NAV2: variants seen among roughly 807,000 people sequenced by gnomAD.
NAV2 encodes neuron navigator 2.
NAV2 carries 54 observed loss-of-function variants against 223.2 expected under a neutral mutation model. The observed-to-expected ratio is 0.24, with a 90% CI of 0.19 to 0.30. The LOEUF is 0.30. Among genes scored for constraint, NAV2 ranks in the 10% least tolerant of loss-of-function variants. The pLI is 1.00. For synonymous variants in NAV2, 1,279 were observed against 1,239.3 expected (o/e 1.03, Z -0.67); for missense variants, 2,806 against 3,147.5 (o/e 0.89, Z 2.60).
chr11:19,871,783 G>A (rs1003816584), intron 4 of NAV2, among the ~76,000 whole-genome samples: 5 of 152,212 alleles, frequency 3.3e-5, no homozygotes, highest in East Asian at 1.9e-4. Flanking sequence ...CAGATCAGCC[G>A]GGTCTCTGCT....
At chr11:19,350,726 T>G (rs1369227910) in exon 1 of NAV2, 3 of 558,032 alleles carry the variant, frequency 5.4e-6, no homozygotes, top group Non-Finnish European at 9.7e-6. Context: ...GACTTAGCTC[T>G]CATGATGCCG....
At chr11:19,513,082 C>T (rs2043330435) in intron 1 of NAV2, among the ~76,000 whole-genome samples, 1 of 152,132 alleles carries the variant, frequency 6.6e-6, no homozygotes. Flanking sequence ...TCTGCAGTTG[C>T]ATTTCTAGAC....
intron 1 of NAV2, among the ~76,000 whole-genome samples, chr11:19,646,584 G>C (rs1207191820): frequency 2.0e-5 from 3 of 152,198 alleles, no homozygotes; most frequent in African/African-American, 7.2e-5. Flanking sequence ...GGGTTCAGAA[G>C]AGTTACAGTA....
intron 6 of NAV2, among the ~76,000 whole-genome samples, chr11:19,913,583 C>G (rs1383064927): frequency 6.6e-6 from 1 of 152,112 alleles, no homozygotes; most frequent in African/African-American, 2.4e-5. Flanking sequence ...CTATGTGTGC[C>G]CCTGCCCGGT....
chr11:19,453,768 A>G (rs796779358), intron 1 of NAV2, among the ~76,000 whole-genome samples: 3 of 152,184 alleles, frequency 2.0e-5, no homozygotes, highest in African/African-American at 7.2e-5. Flanking sequence ...TCGCTGATAA[A>G]TCCTTTATCC....
intron 1 of NAV2, among the ~76,000 whole-genome samples, chr11:19,437,780 A>G (rs1008130888): frequency 2.0e-5 from 3 of 152,222 alleles, no homozygotes; most frequent in African/African-American, 7.2e-5. Flanking sequence ...TACCCATTAT[A>G]AAGTTTTCTT....
chr11:19,911,257 A>G (rs1246922117), intron 6 of NAV2, among the ~76,000 whole-genome samples: 2 of 152,160 alleles, frequency 1.3e-5, no homozygotes, highest in Non-Finnish European at 2.9e-5. Context: ...TATGTCTGGA[A>G]GGAGCATCCA....
At chr11:20,100,215 T>G (rs958096625) in intron 31 of NAV2, among the ~76,000 whole-genome samples, 1 of 152,202 alleles carries the variant, frequency 6.6e-6, no homozygotes, top group Non-Finnish European at 1.5e-5. Flanking sequence ...ATACCCCTTT[T>G]GAAGCCAACA....
chr11:19,854,510 A>G (rs1462202239), intron 3 of NAV2, among the ~76,000 whole-genome samples: 1 of 152,222 alleles, frequency 6.6e-6, no homozygotes, highest in East Asian at 1.9e-4. Flanking sequence ...ATTGGCTGTA[A>G]CTGGGTAGGA....
At chr11:19,764,799 A>G (rs151124727) in intron 1 of NAV2, among the ~76,000 whole-genome samples, 2 of 152,272 alleles carry the variant, frequency 1.3e-5, no homozygotes, top group Admixed American at 6.5e-5. Context: ...TGGTTTCTCA[A>G]GTTCATCTCA....
chr11:19,426,538 G>A (rs1354961401), intron 1 of NAV2, among the ~76,000 whole-genome samples: 1 of 152,176 alleles, frequency 6.6e-6, no homozygotes, highest in East Asian at 1.9e-4. Flanking sequence ...ACCCACAGTG[G>A]TTCTACTAAC....
At chr11:19,428,206 C>T (rs1327026649) in intron 1 of NAV2, among the ~76,000 whole-genome samples, 1 of 152,082 alleles carries the variant, frequency 6.6e-6, no homozygotes, top group Non-Finnish European at 1.5e-5. Flanking sequence ...TTAAATATCC[C>T]AATTTTTAAT....
chr11:19,976,413 T>C (rs1251991628), intron 10 of NAV2, among the ~76,000 whole-genome samples: 1 of 152,170 alleles, frequency 6.6e-6, no homozygotes, highest in East Asian at 1.9e-4. Context: ...GCACTGGCTT[T>C]AGGAAGTAGA....
At chr11:20,021,414 A>C (rs547469503) in intron 11 of NAV2, among the ~76,000 whole-genome samples, 1 of 152,208 alleles carries the variant, frequency 6.6e-6, no homozygotes, top group Non-Finnish European at 1.5e-5. Flanking sequence ...AGAGCGAGGA[A>C]ACAATGGAAA....
chr11:19,351,441 C>G (rs1853306844), intron 1 of NAV2, among the ~76,000 whole-genome samples: 1 of 152,146 alleles, frequency 6.6e-6, no homozygotes, highest in East Asian at 1.9e-4. Context: ...TTGTCTGGCT[C>G]TTGTGTTTAT....
In NAV2 at chr11:19,954,952, C is replaced by CAT. The variant is rs1185200218; in HGVS notation, c.2645+5882_2645+5883dup. 2.2e-3 allele frequency among the ~76,000 whole-genome samples: 107 copies of CAT among 49,720 alleles called. 1 individual carries two copies. The highest frequency in any genetic ancestry group is 7.8e-3 in the African/African-American group (104 of 13,330). The allele number at this position is 49,720 out of a possible 152,430, so 32.6% of individuals were successfully genotyped here. ...ATATACATATATATATACATATATACATATATATATACATATACACACATA... is the reference window on the plus strand; with the variant it reads ...ATATACATATATATATACATATATACATATATATATATACATATACACACATA... On this transcript the variant is annotated intron_variant, in intron 10 of 37. Coordinates refer to ENST00000349880, the MANE Select transcript of NAV2 (RefSeq NM_145117.5).
At chr11:19,757,168 C>T (rs1590334471) in intron 1 of NAV2, among the ~76,000 whole-genome samples, 1 of 152,294 alleles carries the variant, frequency 6.6e-6, no homozygotes, top group East Asian at 1.9e-4. Context: ...TGTTTTGAAG[C>T]TGAGAGAGCA....
At chr11:19,586,747 C>T (rs1419647173) in intron 1 of NAV2, among the ~76,000 whole-genome samples, 1 of 152,228 alleles carries the variant, frequency 6.6e-6, no homozygotes, top group African/African-American at 2.4e-5. Flanking sequence ...GAAGTTTTGT[C>T]TCAGAGGAGT....
In NAV2 at chr11:19,495,131, C is replaced by T. The variant is rs1471989825; in HGVS notation, c.75+144104C>T. Reference sequence around the variant, plus strand: ...GGACACTTATCAGCCCCTTAGGTCACAGCATGAACTCAGCTGTCAGCTCAG... The same window carrying T: ...GGACACTTATCAGCCCCTTAGGTCATAGCATGAACTCAGCTGTCAGCTCAG... On this transcript the variant is annotated intron_variant, in intron 1 of 37. Coordinates refer to the NAV2 transcript ENST00000360655. Among the ~76,000 whole-genome samples, 4 of 152,208 alleles carry T rather than the reference C, an allele frequency of 2.6e-5. No individual in the cohort carries two copies. In the East Asian group the frequency reaches 5.8e-4, roughly 22 times the overall value.
Sources: gnomAD v4.1 joint callset for allele counts (sites outside exome capture counted in the v4.1 genomes callset) on GRCh38, gnomAD v4.1.1 for gene constraint, MANE v1.5 for transcripts, NCBI Gene and HGNC (gene_info 2026-07-23, HGNC 2026-07-21) for gene names.